The following NCOA3 variants were observed in gnomAD, a reference collection of about 807,000 sequenced individuals.
NCOA3 encodes nuclear receptor coactivator 3, also known as CBP-interacting protein.
Under a neutral mutation model 158.8 loss-of-function variants are expected in NCOA3, and 51 were observed. That is an observed-to-expected ratio of 0.32 (90% confidence interval 0.26 to 0.41). NCOA3 has a LOEUF of 0.41. Among genes scored for constraint, NCOA3 ranks in the 10% least tolerant of loss-of-function variants. The probability of loss-of-function intolerance (pLI) is 1.00; values close to 1 mark genes in which losing one functional copy is unlikely to be tolerated. For missense variants in NCOA3, 1,510 were observed against 1,746.6 expected (o/e 0.86, Z 2.41); for synonymous variants, 537 against 592.4 (o/e 0.91, Z 1.36).
chr20:47,588,759 T>C (rs2085577881), intron 2 of NCOA3, among the ~76,000 whole-genome samples: 1 of 152,196 alleles, frequency 6.6e-6, no homozygotes, highest in African/African-American at 2.4e-5. Context: ...TAGCGTACTA[T>C]ATATACTCTT....
At chr20:47,512,735 A>G (rs6094723) in intron 1 of NCOA3, among the ~76,000 whole-genome samples, 118,365 of 152,154 alleles carry the variant, frequency 0.78, 46,681 homozygotes, top group East Asian at 0.89. Flanking sequence ...GGTAACATTA[A>G]AAAGACTGAC....
chr20:47,623,046 A>T (rs1486196398), intron 3 of NCOA3: 1 of 152,206 alleles, frequency 6.6e-6, no homozygotes, highest in African/African-American at 2.4e-5. Flanking sequence ...ATCTTTTAAG[A>T]ATGGGTTATA....
At chr20:47,579,127 G>A (rs1183226387) in intron 1 of NCOA3, among the ~76,000 whole-genome samples, 1 of 152,082 alleles carries the variant, frequency 6.6e-6, no homozygotes, top group Non-Finnish European at 1.5e-5. Flanking sequence ...TAGGTCTCTG[G>A]TGATGAAGGC....
At chr20:47,613,935 C>A (rs987300841) in intron 2 of NCOA3, among the ~76,000 whole-genome samples, 1 of 151,550 alleles carries the variant, frequency 6.6e-6, no homozygotes, top group East Asian at 1.9e-4. Context: ...AAAAAATTTT[C>A]TTTTCTTTCC....
At chr20:47,634,506 G>A (rs983611257) in intron 10 of NCOA3, among the ~76,000 whole-genome samples, 2 of 152,192 alleles carry the variant, frequency 1.3e-5, no homozygotes, top group African/African-American at 4.8e-5. Flanking sequence ...TTTGGGGACT[G>A]CATTTAAAAT....
At chr20:47,612,863 A>G (rs1468922288) in intron 2 of NCOA3, among the ~76,000 whole-genome samples, 1 of 152,180 alleles carries the variant, frequency 6.6e-6, no homozygotes, top group Non-Finnish European at 1.5e-5. Flanking sequence ...ATTATCTGTG[A>G]ACTTCAACTC....
intron 1 of NCOA3, among the ~76,000 whole-genome samples, chr20:47,564,860 T>G (rs886309529): frequency 1.3e-5 from 2 of 152,196 alleles, no homozygotes; most frequent in African/African-American, 4.8e-5. Flanking sequence ...AGATTGTCTT[T>G]TCTTGTCTGT....
intron 1 of NCOA3, among the ~76,000 whole-genome samples, chr20:47,520,097 C>CTACAGGT (rs2084303786): frequency 1.4e-5 from 2 of 140,398 alleles, no homozygotes; most frequent in Non-Finnish European, 3.0e-5. Flanking sequence ...AAAAGGAAGG[C>CTACAGGT]TACAGGTTGT....
intron 1 of NCOA3, among the ~76,000 whole-genome samples, chr20:47,538,506 TAAA>T (rs2084670364): frequency 6.6e-6 from 1 of 152,148 alleles, no homozygotes; most frequent in African/African-American, 2.4e-5. Context: ...TCTGCCTCCT[TAAA>T]GAAGTTTGTG....
chr20:47,582,702 A>G (rs1293024759), intron 1 of NCOA3, among the ~76,000 whole-genome samples: 1 of 152,142 alleles, frequency 6.6e-6, no homozygotes, highest in Non-Finnish European at 1.5e-5. Context: ...TAGTGATTAT[A>G]TGGTACAATA....
At chr20:47,527,736 C>G (rs960932617) in intron 1 of NCOA3, among the ~76,000 whole-genome samples, 20 of 152,114 alleles carry the variant, frequency 1.3e-4, no homozygotes, top group Non-Finnish European at 2.9e-5. Flanking sequence ...TTCTCACCAG[C>G]AGTATAGCCA....
At chr20:47,511,222 T>C (rs1174284626) in intron 1 of NCOA3, among the ~76,000 whole-genome samples, 1 of 151,102 alleles carries the variant, frequency 6.6e-6, no homozygotes, top group Non-Finnish European at 1.5e-5. Context: ...TGTTGAAGAA[T>C]AAGATTTAAA....
intron 2 of NCOA3, among the ~76,000 whole-genome samples, chr20:47,618,370 T>TTA (rs1555811916): frequency 1.1e-4 from 15 of 142,096 alleles, no homozygotes; most frequent in African/African-American, 3.8e-4. Flanking sequence ...TTTTTTTTTT[T>TTA]ATAGACAGAA....
At position 47,617,898 on chromosome 20, in the gene NCOA3, A is replaced by C. The variant is rs577555335; in HGVS notation, c.-19-4331A>C. Among the ~76,000 whole-genome samples, 22 of 152,314 alleles carry C rather than the reference A, an allele frequency of 1.4e-4. 1 individual carries two copies. In the Middle Eastern group the frequency reaches 0.01, roughly 71 times the overall value. ...CAGTAAATGTACCTAAGTTTTGTCC[A>C]TGTCTAATTAAGAACTACAAATCTG... On this transcript the variant is annotated intron_variant, in intron 2 of 22. Coordinates refer to ENST00000371998, the MANE Select transcript of NCOA3 (RefSeq NM_181659.3).
chr20:47,606,181 G>C (rs926005579), intron 2 of NCOA3, among the ~76,000 whole-genome samples: 2 of 152,154 alleles, frequency 1.3e-5, no homozygotes, highest in Non-Finnish European at 2.9e-5. Flanking sequence ...GTATCTTGGA[G>C]AAGCCAGACC....
intron 2 of NCOA3, 26 bp downstream of exon 2, chr20:47,583,287 T>G: frequency 2.5e-6 from 1 of 398,530 alleles, no homozygotes; most frequent in Non-Finnish European, 4.4e-6. Context: ...TTTGATTTGA[T>G]CCTTTGTAAT....
At chr20:47,600,402 G>A (rs925525701) in intron 2 of NCOA3, among the ~76,000 whole-genome samples, 1 of 151,688 alleles carries the variant, frequency 6.6e-6, no homozygotes, top group African/African-American at 2.4e-5. Context: ...TCTCGAACTC[G>A]TGACCTCAGA....
At chr20:47,560,934 A>G (rs1007754137) in intron 1 of NCOA3, among the ~76,000 whole-genome samples, 11 of 147,284 alleles carry the variant, frequency 7.5e-5, no homozygotes, top group African/African-American at 2.5e-4. Context: ...TGAGCAGTGT[A>G]CACTGTGCCC....
At chr20:47,616,526 A>AT (rs1407046434) in intron 2 of NCOA3, among the ~76,000 whole-genome samples, 1 of 152,182 alleles carries the variant, frequency 6.6e-6, no homozygotes, top group African/African-American at 2.4e-5. Context: ...GTGCATTGCC[A>AT]TATTTAATAC....
Sources: gnomAD v4.1 joint callset for allele counts (sites outside exome capture counted in the v4.1 genomes callset) on GRCh38, gnomAD v4.1.1 for gene constraint, MANE v1.5 for transcripts, NCBI Gene and HGNC (gene_info 2026-07-23, HGNC 2026-07-21) for gene names.